Variants in APTX observed in about 807,000 individuals in gnomAD.
APTX encodes the protein aprataxin.
Under a neutral mutation model 42.3 loss-of-function variants are expected in APTX, and 33 were observed. That is an observed-to-expected ratio of 0.78 (90% CI 0.59 to 1.04). APTX has a LOEUF of 1.04. Among genes scored for constraint, APTX ranks in the 50% least tolerant of loss-of-function variants. The pLI, the probability that APTX is intolerant of heterozygous loss-of-function variation, is 0.00. For synonymous variants in APTX, 130 were observed against 146.7 expected (o/e 0.89, Z 0.82); for missense variants, 421 against 415.1 (o/e 1.01, Z -0.12).
intron 1 of APTX, among the ~76,000 whole-genome samples, chr9:32,998,851 A>G (rs993403924): frequency 6.6e-6 from 1 of 151,794 alleles, no homozygotes; most frequent in Admixed American, 6.6e-5. Flanking sequence ...CTGCACATGT[A>G]TCCCAGAACT....
intron 1 of APTX, among the ~76,000 whole-genome samples, chr9:32,992,534 A>G (rs759410095): frequency 1.7e-4 from 26 of 152,240 alleles, no homozygotes; most frequent in Non-Finnish European, 3.2e-4. Context: ...GGCAAGCCAT[A>G]GGTCGGGGTA....
rs104894103 is a variant in APTX, at chr9:32,974,495, C to G, written c.837G>C (p.Trp279Cys). The G allele has an allele frequency of 6.2e-7, 1 of 1,609,080 alleles. No individual in the cohort carries two copies. Among genetic ancestry groups the G allele is most frequent in the Non-Finnish European group, 8.5e-7 (1 of 1,175,992 alleles). The change falls in exon 7 of 8, where the codon TGG becomes TGC. Residue 279 changes from tryptophan (W) to cysteine (C), a missense_variant. Trp to Cys is a radical substitution (Grantham distance 215, BLOSUM62 -2). Coordinates refer to ENST00000379817, the MANE Select transcript of APTX (RefSeq NM_001195248.2). ...DSPCLKNKKH[W>C]NSFNTEYFLE... Reference sequence around the variant, plus strand: ...GGAAGTATTCTGTATTGAAAGAATTCCAATGTTTTTTGTTTTTAAGGCAAG... The same window carrying G: ...GGAAGTATTCTGTATTGAAAGAATTGCAATGTTTTTTGTTTTTAAGGCAAG...
intron 1 of APTX, among the ~76,000 whole-genome samples, chr9:32,998,848 T>C (rs1052480344): frequency 6.6e-6 from 1 of 150,758 alleles, no homozygotes; most frequent in Non-Finnish European, 1.5e-5. Context: ...GTTCTGCACA[T>C]GTATCCCAGA....
rs576753040 is a variant in APTX, at chr9:32,977,497, C to T, written c.771-2936G>A. Among the ~76,000 whole-genome samples, 7 of 149,900 alleles carry T rather than the reference C, an allele frequency of 4.7e-5. No individual in the cohort carries two copies. The South Asian group carries it at 8.5e-4, about 18-fold the overall frequency. On this transcript the variant is annotated intron_variant, in intron 6 of 7. Coordinates refer to ENST00000379817, the MANE Select transcript of APTX (RefSeq NM_001195248.2). ...AGACTCCCATCTCTTAAAACAAAAA[C>T]GAAAACAAAAAATGAATAAAAAAAT... is the stretch of plus-strand genomic sequence containing the variant.
At chr9:33,000,507 A>C (rs1299851878) in intron 1 of APTX, among the ~76,000 whole-genome samples, 1 of 151,698 alleles carries the variant, frequency 6.6e-6, no homozygotes, top group Non-Finnish European at 1.5e-5. Context: ...ACACGCCTGT[A>C]ATCCCAGCTC....
upstream of APTX, among the ~76,000 whole-genome samples, chr9:33,003,245 C>A (rs577305772): frequency 1.3e-5 from 2 of 152,252 alleles, no homozygotes; most frequent in South Asian, 4.1e-4. Flanking sequence ...GCTTGTTAGG[C>A]CTAGTCCATT....
chr9:33,019,807 T>A (rs955074713), intron 1 of APTX: 2 of 637,754 alleles, frequency 3.1e-6, no homozygotes, highest in Non-Finnish European at 5.4e-6. Flanking sequence ...AGTCTTCAGC[T>A]TTCCAGCGGA....
At chr9:33,004,677 G>A (rs1275489599), upstream of APTX, among the ~76,000 whole-genome samples, 1 of 140,472 alleles carries the variant, frequency 7.1e-6, no homozygotes, top group Non-Finnish European at 1.5e-5. Flanking sequence ...CTGTCACCCA[G>A]GCTGGAGTGC....
At chr9:33,017,805 G>A (rs998208137) in intron 1 of APTX, among the ~76,000 whole-genome samples, 1 of 152,028 alleles carries the variant, frequency 6.6e-6, no homozygotes, top group African/African-American at 2.4e-5. Flanking sequence ...CATTAGGTAA[G>A]CATGATTGAT....
chr9:33,017,504 G>A (rs1837982909), intron 1 of APTX, among the ~76,000 whole-genome samples: 1 of 152,142 alleles, frequency 6.6e-6, no homozygotes, highest in African/African-American at 2.4e-5. Flanking sequence ...CTAATCCCAT[G>A]ACGTAGTCAC....
intron 1 of APTX, among the ~76,000 whole-genome samples, chr9:32,993,183 C>T (rs116028295): frequency 3.5e-3 from 540 of 152,290 alleles, no homozygotes; most frequent in African/African-American, 0.012. Context: ...TTCTGCCCTC[C>T]ATCAATACAG....
chr9:32,974,340 A>T, intron 7 of APTX, 118 bp downstream of exon 7: 2 of 722,660 alleles, frequency 2.8e-6, no homozygotes, highest in Non-Finnish European at 2.5e-6. Flanking sequence ...CTTTATAGGG[A>T]ACACAAAGTT....
intron 1 of APTX, among the ~76,000 whole-genome samples, chr9:33,011,578 C>T (rs1837547324): frequency 6.6e-6 from 1 of 152,200 alleles, no homozygotes; most frequent in Non-Finnish European, 1.5e-5. Flanking sequence ...AGCCACCGCG[C>T]CCGCCCGAAG....
At chr9:32,991,092 A>T (rs1739039957) in intron 1 of APTX, among the ~76,000 whole-genome samples, 1 of 151,952 alleles carries the variant, frequency 6.6e-6, no homozygotes, top group Admixed American at 6.6e-5. Flanking sequence ...ACAGTCAGCT[A>T]ATTTTATATT....
chr9:33,020,217 CT>C, intron 1 of APTX: 1 of 205,034 alleles, frequency 4.9e-6, no homozygotes, highest in Non-Finnish European at 9.7e-6. Flanking sequence ...CTGGACTCAC[CT>C]TTTCCTTCAC....
intron 1 of APTX, among the ~76,000 whole-genome samples, chr9:33,012,271 G>A (rs1002730564): frequency 6.6e-6 from 1 of 151,446 alleles, no homozygotes; most frequent in East Asian, 1.9e-4. Context: ...AGAGAGAGAG[G>A]ATATAGCATA....
chr9:32,979,195 C>T (rs918421278), intron 6 of APTX, among the ~76,000 whole-genome samples: 2 of 152,108 alleles, frequency 1.3e-5, no homozygotes, highest in Non-Finnish European at 2.9e-5. Context: ...ACCTCCCTCC[C>T]GCCACTGTCA....
At position 32,987,741 on chromosome 9, in the gene APTX, A is replaced by G; in HGVS notation, c.286T>C (p.Tyr96His). The G allele has an allele frequency of 6.2e-7, 1 of 1,614,154 alleles. No individual in the cohort carries two copies. Among genetic ancestry groups the G allele is most frequent in the South Asian group, 1.1e-5 (1 of 91,082 alleles). Reference sequence around the variant, plus strand: ...GCCTCTTCCTCAAACTCTACAATATATGGATAAAGTTCATTCACCATGTGG... The same window carrying G: ...GCCTCTTCCTCAAACTCTACAATATGTGGATAAAGTTCATTCACCATGTGG... ...VLHMVNELYP[Y>H]IVEFEEEAKN... Residue 96 changes from tyrosine (Y) to histidine (H), a missense_variant, in exon 4 of 8, where the codon TAT becomes CAT. Transcript: ENST00000379817.
Position 32,974,555 on chromosome 9 carries a change from TACATG to T in APTX, c.772_776del (p.His258ThrfsTer10). On this transcript the variant is annotated frameshift_variant and splice_region_variant, in exon 7 of 8. Coordinates refer to ENST00000379817, the MANE Select transcript of APTX (RefSeq NM_001195248.2). LOFTEE classifies it high-confidence loss of function. ...AATCCTGGCTGATCACATGAAGATG[TACATG>T]GCTAGTTGAAAGAAAAAAAAACTGA... 1.3e-6 allele frequency: 2 copies of T among 1,586,970 alleles called. No homozygotes were observed. The highest frequency in any genetic ancestry group is 1.7e-6 in the Non-Finnish European group (2 of 1,167,028).
Sources: allele counts gnomAD v4.1 joint callset (sites outside exome capture counted in the v4.1 genomes callset), GRCh38; gene constraint gnomAD v4.1.1; transcripts MANE v1.5; gene names NCBI Gene and HGNC (gene_info 2026-07-23, HGNC 2026-07-21).